Variants in LRRTM4 observed in about 807,000 individuals in gnomAD.
LRRTM4 encodes leucine-rich repeat transmembrane neuronal protein 4.
In LRRTM4, 25 loss-of-function variants were observed where a neutral mutation model predicts 47.6. That is an observed-to-expected ratio of 0.53 (90% CI 0.38 to 0.73). The LOEUF is 0.73. LRRTM4 is among the 30% of genes least tolerant of loss of function. LRRTM4 has a pLI of 0.00. For missense variants in LRRTM4, 638 were observed against 713.4 expected (o/e 0.89, Z 1.20); for synonymous variants, 311 against 269.5 (o/e 1.15, Z -1.51).
chr2:76,944,828 G>A (rs909124938), intron 3 of LRRTM4, among the ~76,000 whole-genome samples: 4 of 151,882 alleles, frequency 2.6e-5, no homozygotes, highest in South Asian at 2.1e-4. Context: ...AAAGAGTCTC[G>A]GAGTGATTTA....
chr2:77,248,053 T>A (rs556931446), intron 3 of LRRTM4, among the ~76,000 whole-genome samples: 24 of 150,918 alleles, frequency 1.6e-4, no homozygotes, highest in African/African-American at 5.8e-4. Context: ...CATTCAGATA[T>A]AACCTGTAAA....
At chr2:77,111,065 T>A (rs984976169) in intron 3 of LRRTM4, among the ~76,000 whole-genome samples, 6 of 152,124 alleles carry the variant, frequency 3.9e-5, no homozygotes, top group African/African-American at 7.2e-5. Flanking sequence ...GCTATTTGGA[T>A]TGGCTCATGA....
intron 3 of LRRTM4, among the ~76,000 whole-genome samples, chr2:76,874,872 T>C (rs1672734840): frequency 6.6e-6 from 1 of 151,406 alleles, no homozygotes; most frequent in African/African-American, 2.5e-5. Flanking sequence ...TGAGTAGCCT[T>C]AGCTCTCATG....
At chr2:77,254,824 T>G (rs1054944297) in intron 3 of LRRTM4, among the ~76,000 whole-genome samples, 3 of 150,484 alleles carry the variant, frequency 2.0e-5, no homozygotes, top group Non-Finnish European at 4.4e-5. Flanking sequence ...AAAACAGAAT[T>G]TTAAACAATG....
intron 3 of LRRTM4, among the ~76,000 whole-genome samples, chr2:77,094,270 ATAAAT>A (rs1485193930): frequency 1.3e-5 from 2 of 152,232 alleles, no homozygotes; most frequent in Admixed American, 6.5e-5. Flanking sequence ...CACTGACAGA[ATAAAT>A]TAAAGAAGAC....
intron 3 of LRRTM4, among the ~76,000 whole-genome samples, chr2:76,936,788 T>C (rs1196279451): frequency 1.3e-5 from 2 of 149,676 alleles, no homozygotes; most frequent in African/African-American, 4.9e-5. Flanking sequence ...TCCCCATTTC[T>C]ACTAAAAATA....
intron 3 of LRRTM4, among the ~76,000 whole-genome samples, chr2:77,050,593 C>A (rs1432984857): frequency 6.6e-6 from 1 of 152,098 alleles, no homozygotes; most frequent in East Asian, 1.9e-4. Context: ...TGCATTCAAG[C>A]ATTTTACAGA....
At chr2:77,128,271 A>C (rs1423567625) in intron 3 of LRRTM4, among the ~76,000 whole-genome samples, 1 of 152,208 alleles carries the variant, frequency 6.6e-6, no homozygotes, top group Non-Finnish European at 1.5e-5. Flanking sequence ...TAGAAAGTTC[A>C]TGACATAAAA....
chr2:77,169,022 C>G (rs1048374426), intron 3 of LRRTM4, among the ~76,000 whole-genome samples: 2 of 152,058 alleles, frequency 1.3e-5, no homozygotes, highest in African/African-American at 4.8e-5. Context: ...TGATATAATT[C>G]AATATCCTTT....
At chr2:76,862,947 T>G (rs556314581) in intron 3 of LRRTM4, among the ~76,000 whole-genome samples, 1 of 152,338 alleles carries the variant, frequency 6.6e-6, no homozygotes, top group Non-Finnish European at 1.5e-5. Context: ...AAGCAGATCT[T>G]ATTTCCAGAT....
At chr2:76,795,560 TATAC>T (rs1476990318) in intron 3 of LRRTM4, among the ~76,000 whole-genome samples, 2 of 150,360 alleles carry the variant, frequency 1.3e-5, no homozygotes, top group African/African-American at 4.9e-5. Flanking sequence ...TATATGCATA[TATAC>T]ATGTGCATAT....
At chr2:76,782,108 C>A (rs1205489743) in intron 3 of LRRTM4, among the ~76,000 whole-genome samples, 1 of 152,108 alleles carries the variant, frequency 6.6e-6, no homozygotes, top group Non-Finnish European at 1.5e-5. Flanking sequence ...CATATGTATG[C>A]CTTTCTTATA....
intron 3 of LRRTM4, among the ~76,000 whole-genome samples, chr2:77,184,119 AT>A (rs1269517955): frequency 6.6e-6 from 1 of 152,146 alleles, no homozygotes; most frequent in Non-Finnish European, 1.5e-5. Context: ...TGTAGAAAAA[AT>A]AATCAGAATA....
intron 3 of LRRTM4, among the ~76,000 whole-genome samples, chr2:77,421,148 AG>A (rs1057283110): frequency 3.3e-5 from 5 of 152,262 alleles, no homozygotes; most frequent in Admixed American, 2.0e-4. Flanking sequence ...TAGAACTAGT[AG>A]CTATAGTGAA....
chr2:77,287,853 G>A (rs1180193219), intron 3 of LRRTM4, among the ~76,000 whole-genome samples: 1 of 152,108 alleles, frequency 6.6e-6, no homozygotes, highest in Non-Finnish European at 1.5e-5. Flanking sequence ...AAACAACATA[G>A]TATACATAGG....
chr2:76,887,527 A>AT (rs924773080), intron 3 of LRRTM4, among the ~76,000 whole-genome samples: 6 of 150,416 alleles, frequency 4.0e-5, no homozygotes, highest in African/African-American at 9.7e-5. Flanking sequence ...CATATATGTG[A>AT]TTTTTTATCT....
intron 3 of LRRTM4, among the ~76,000 whole-genome samples, chr2:76,905,006 G>A (rs971541686): frequency 1.3e-5 from 2 of 152,108 alleles, no homozygotes; most frequent in Admixed American, 6.6e-5. Flanking sequence ...GGTTCTCCCA[G>A]AACGCAGCTG....
intron 3 of LRRTM4, among the ~76,000 whole-genome samples, chr2:77,038,836 T>C (rs1177474715): frequency 6.6e-6 from 1 of 151,442 alleles, no homozygotes; most frequent in African/African-American, 2.4e-5. Context: ...AACCATCTAA[T>C]GTTGCATTTT....
At chr2:77,264,553 A>G (rs1676002126) in intron 3 of LRRTM4, among the ~76,000 whole-genome samples, 1 of 152,122 alleles carries the variant, frequency 6.6e-6, no homozygotes, top group Non-Finnish European at 1.5e-5. Context: ...AAGTAAAGAA[A>G]TCCAAGACAA....
Sources: gnomAD v4.1 joint callset for allele counts (sites outside exome capture counted in the v4.1 genomes callset) on GRCh38, gnomAD v4.1.1 for gene constraint, MANE v1.5 for transcripts, NCBI Gene and HGNC (gene_info 2026-07-23, HGNC 2026-07-21) for gene names.